AURKA: variants seen among roughly 807,000 people sequenced by gnomAD.
AURKA encodes aurora kinase A.
In AURKA, 12 loss-of-function variants were observed where a neutral mutation model predicts 40.9. That is an observed-to-expected ratio of 0.29 (90% confidence interval 0.19 to 0.48). The LOEUF (loss-of-function observed/expected upper bound fraction) is 0.48. Among genes scored for constraint, AURKA ranks in the 20% least tolerant of loss-of-function variants. AURKA has a pLI of 0.99. For synonymous variants in AURKA, 170 were observed against 164.3 expected (o/e 1.03, Z -0.26); for missense variants, 322 against 462.1 (o/e 0.70, Z 2.78).
At chr20:56,388,315 AT>A in intron 1 of AURKA, 113 bp from the exon 2 acceptor site, 1 of 938,300 alleles carries the variant, frequency 1.1e-6, no homozygotes. Context: ...AACACACCGG[AT>A]TTTACATGTT....
chr20:56,384,157 C>T (rs1986076359), intron 4 of AURKA, 113 bp downstream of exon 4: 1 of 776,026 alleles, frequency 1.3e-6, no homozygotes, highest in Non-Finnish European at 2.1e-6. Flanking sequence ...TTTATATCCT[C>T]TAAATGCAAA....
intron 6 of AURKA, among the ~76,000 whole-genome samples, chr20:56,377,474 A>G (rs1269904690): frequency 6.6e-6 from 1 of 152,140 alleles, no homozygotes; most frequent in East Asian, 1.9e-4. Flanking sequence ...GACGATACAC[A>G]GATGGCAAAT....
At chr20:56,370,393 A>G in intron 8 of AURKA, 53 bp from the exon 9 acceptor site, 1 of 1,613,772 alleles carries the variant, frequency 6.2e-7, no homozygotes, top group Non-Finnish European at 8.5e-7. Context: ...GAGAGATCAA[A>G]TAGTATAGAT....
At chr20:56,390,789 A>G (rs1288876246) in intron 1 of AURKA, 2 of 152,214 alleles carry the variant, frequency 1.3e-5, no homozygotes, top group Non-Finnish European at 2.9e-5. Context: ...AAAAGTTGAT[A>G]AACAGCAACA....
intron 5 of AURKA, 39 bp downstream of exon 5, chr20:56,382,946 T>C (rs1427521757): frequency 2.5e-6 from 4 of 1,608,124 alleles, no homozygotes; most frequent in African/African-American, 1.3e-5. Flanking sequence ...GGGTGCAGCA[T>C]TGGTGAACAT....
At chr20:56,371,460 CAAAA>C (rs71730570) in intron 7 of AURKA, among the ~76,000 whole-genome samples, 1 of 132,826 alleles carries the variant, frequency 7.5e-6, no homozygotes, top group Non-Finnish European at 1.6e-5. Context: ...GACTCTGTCT[CAAAA>C]AAAAAAAAAA....
Position 56,370,600 on chromosome 20 carries a change from A to T in AURKA, c.914T>A (p.Met305Lys), listed in dbSNP as rs1984018553. Residue 305 changes from methionine (M) to lysine (K), a missense_variant, in exon 8 of 9, where the codon ATG becomes AAG. Transcript: ENST00000395915. ...CCAGAGATCCACCTTCTCATCATGC[A>T]TCCGACCTTCAATCATTTCAGGGGG... ...YLPPEMIEGR[M>K]HDEKVDLWSL... 3 of 1,614,204 alleles carry T rather than the reference A, an allele frequency of 1.9e-6. No homozygotes were observed. The East Asian group carries it at 6.7e-5, about 36-fold the overall frequency.
At chr20:56,371,872 A>G (rs1984279680) in intron 7 of AURKA, among the ~76,000 whole-genome samples, 1 of 152,212 alleles carries the variant, frequency 6.6e-6, no homozygotes, top group Non-Finnish European at 1.5e-5. Context: ...TAGGAAATGC[A>G]TTCTATTATA....
At chr20:56,390,672 C>CA (rs11411143) in intron 1 of AURKA, 55,545 of 147,324 alleles carry the variant, frequency 0.38, 11,205 homozygotes, top group African/African-American at 0.54. Flanking sequence ...GACCCTGTCT[C>CA]AAAAAAAAAA....
chr20:56,376,847 A>T (rs1450648326), intron 6 of AURKA, among the ~76,000 whole-genome samples: 1 of 152,236 alleles, frequency 6.6e-6, no homozygotes, highest in Non-Finnish European at 1.5e-5. Flanking sequence ...TGGGAGGCCG[A>T]GGTGGGCAAA....
Position 56,384,270 on chromosome 20 carries a change from T to G in AURKA, c.374A>C (p.Lys125Thr). 1 of 1,596,062 alleles carries G rather than the reference T, an allele frequency of 6.3e-7. No homozygotes were observed. Among genetic ancestry groups the G allele is most frequent in the Non-Finnish European group, 8.6e-7 (1 of 1,165,006 alleles). Residue 125 changes from lysine (K) to threonine (T), a missense_variant and splice_region_variant, in exon 4 of 9, where the codon AAG becomes ACG. Physicochemically the swap from Lys to Thr is moderately conservative, Grantham distance 78. Coordinates refer to ENST00000395915, the MANE Select transcript of AURKA (RefSeq NM_198437.3). ...GAACTTTGTAAATAAGAAAGCTTAC[T>G]TTTTTGATTCTTCATTTTTCTGTTT... ...ASKQKNEESK[K>T]RQWALEDFEI... is the part of the protein sequence containing the mutation.
At chr20:56,381,721 C>T in intron 5 of AURKA, 150 bp from the exon 6 acceptor site, 1 of 920,882 alleles carries the variant, frequency 1.1e-6, no homozygotes, top group Non-Finnish European at 1.7e-6. Context: ...ACTATAAACC[C>T]ACTCCAAGAA....
chr20:56,373,261 A>T lies in AURKA; in HGVS notation c.854+147T>A. The stretch of plus-strand genomic sequence containing the variant: ...TTCTTGCAAACCCTAGTTTATTATT[A>T]AGCCTAAATTACTCCAAAGTACTTC... On this transcript the variant is annotated intron_variant, in intron 7 of 8. Coordinates refer to ENST00000395915, the MANE Select transcript of AURKA (RefSeq NM_198437.3). The surrounding 1 kb of genome is among the most constrained non-coding windows in gnomAD (Gnocchi z 5.0). 1.9e-6 allele frequency: 2 copies of T among 1,044,908 alleles called. No homozygotes were observed. The highest frequency in any genetic ancestry group is 2.9e-6 in the Non-Finnish European group (2 of 685,612). 64.7% of individuals were successfully genotyped at this position (1,044,908 alleles called of 1,614,324 possible).
chr20:56,384,154 C>T (rs975008694), intron 4 of AURKA, 116 bp downstream of exon 4: 3 of 737,108 alleles, frequency 4.1e-6, no homozygotes, highest in Middle Eastern at 2.4e-4. Flanking sequence ...ACATTTATAT[C>T]CTCTAAATGC....
chr20:56,382,042 C>A (rs1985776055), intron 5 of AURKA, among the ~76,000 whole-genome samples: 1 of 151,802 alleles, frequency 6.6e-6, no homozygotes, highest in Admixed American at 6.6e-5. Context: ...TGCATGCCTG[C>A]AATCCTAGCT....
Position 56,370,562 on chromosome 20 carries a change from G to A in AURKA, c.952C>T (p.Leu318Phe). 6.2e-7 allele frequency: 1 copy of A among 1,614,164 alleles called. No individual in the cohort carries two copies. Among genetic ancestry groups the A allele is most frequent in the Non-Finnish European group, 8.5e-7 (1 of 1,180,028 alleles). ...EKVDLWSLGV[L>F]CYEFLVGKPP... Reference sequence around the variant, plus strand: ...TTCCCAACTAAAAATTCATAGCAAAGAACTCCAAGGCTCCAGAGATCCACC... The same window carrying A: ...TTCCCAACTAAAAATTCATAGCAAAAAACTCCAAGGCTCCAGAGATCCACC... Residue 318 changes from leucine (L) to phenylalanine (F), a missense_variant, in exon 8 of 9, where the codon CTT becomes TTT. Physicochemically the swap from Leu to Phe is conservative, Grantham distance 22. Coordinates refer to ENST00000395915, the MANE Select transcript of AURKA (RefSeq NM_198437.3).
At chr20:56,379,719 T>C (rs2146173663) in intron 6 of AURKA, among the ~76,000 whole-genome samples, 1 of 152,168 alleles carries the variant, frequency 6.6e-6, no homozygotes, top group East Asian at 1.9e-4. Flanking sequence ...CCTAGCACTT[T>C]GGGAGGCTGA....
chr20:56,378,521 A>C (rs1302201520), intron 6 of AURKA, among the ~76,000 whole-genome samples: 1 of 152,234 alleles, frequency 6.6e-6, no homozygotes, highest in Non-Finnish European at 1.5e-5. Flanking sequence ...AGCTGGCAAT[A>C]GCACTCCTAT....
chr20:56,369,965 C>T lies in AURKA; in HGVS notation c.*193G>A, dbSNP rs1258466329. 2 of 714,654 alleles carry T rather than the reference C, an allele frequency of 2.8e-6. No individual in the cohort carries two copies. The highest frequency in any genetic ancestry group is 2.4e-6 in the Non-Finnish European group (1 of 409,924). The allele number at this position is 714,654 out of a possible 1,614,324, so 44.3% of individuals were successfully genotyped here. ...ACAATTCTCGTGGCTACTTTCACTTCAGAGTGTCATGTTTATTGATGTGGA... is the reference window on the plus strand; with the variant it reads ...ACAATTCTCGTGGCTACTTTCACTTTAGAGTGTCATGTTTATTGATGTGGA... On this transcript the variant is annotated 3_prime_UTR_variant, in exon 9 of 9. Coordinates refer to ENST00000395915, the MANE Select transcript of AURKA (RefSeq NM_198437.3).
Sources: allele counts gnomAD v4.1 joint callset (sites outside exome capture counted in the v4.1 genomes callset), GRCh38; gene constraint gnomAD v4.1.1; non-coding constraint Gnocchi (gnomAD v3.1); transcripts MANE v1.5; gene names NCBI Gene and HGNC (gene_info 2026-07-23, HGNC 2026-07-21).